Variants in PPTC7 observed in about 807,000 individuals in gnomAD.
The protein encoded by PPTC7 is protein phosphatase targeting COQ7.
In PPTC7, 6 loss-of-function variants were observed where a neutral mutation model predicts 30.8. The ratio of observed to expected loss-of-function variants is 0.19; its 90% CI spans 0.11 to 0.38. The LOEUF (loss-of-function observed/expected upper bound fraction) is 0.38, where lower values mean the gene tolerates loss of function less well. Ranked by LOEUF, PPTC7 falls within the 10% of genes least tolerant of loss-of-function variation. The pLI is 1.00. For synonymous variants in PPTC7, 163 were observed against 168.1 expected, an observed-to-expected ratio of 0.97 and a Z score of 0.23; for missense variants, 218 against 404.8, an observed-to-expected ratio of 0.54 and a Z score of 3.96.
Position 110,536,979 on chromosome 12 carries a change from C to CA in PPTC7, c.*57dup, listed in dbSNP as rs559727163. ...AATGTGGTCCTGCCAGCAGGATCAG[C>CA]ACACATGGCAGGGGAAATTTGGGAT... On this transcript the variant is annotated 3_prime_UTR_variant, in exon 6 of 6. Transcript: ENST00000354300. 782 of 1,316,772 alleles carry CA rather than the reference C, an allele frequency of 5.9e-4. 1 individual carries two copies. The highest frequency in any genetic ancestry group is 5.7e-4 in the Non-Finnish European group (518 of 910,004). The allele number at this position is 1,316,772 out of a possible 1,614,324, so 81.6% of individuals were successfully genotyped here. A position where few individuals can be genotyped will look rare whatever the true frequency, so the allele number is the denominator to read the frequency against.
At position 110,583,316 on chromosome 12, in the gene PPTC7, A is replaced by C; in HGVS notation, c.-285T>G. The C allele has an allele frequency of 6.1e-6, 1 of 164,732 alleles. No homozygotes were observed. Among genetic ancestry groups the C allele is most frequent in the Non-Finnish European group, 1.3e-5 (1 of 76,950 alleles). 10.2% of individuals were successfully genotyped at this position (164,732 alleles called of 1,614,324 possible). A position where few individuals can be genotyped will look rare whatever the true frequency, so the allele number is the denominator to read the frequency against. On this transcript the variant is annotated 5_prime_UTR_variant, in exon 1 of 6. Coordinates refer to ENST00000354300, the MANE Select transcript of PPTC7 (RefSeq NM_139283.2). The stretch of plus-strand genomic sequence containing the variant: ...CGCCGCCGCCATCTTCCGCTCCACT[A>C]GCGTGTTCCGGGCGGTGCCGGCAGC...
At chr12:110,552,867 AAAAC>A (rs369111979) in intron 1 of PPTC7, among the ~76,000 whole-genome samples, 2,051 of 152,210 alleles carry the variant, frequency 0.013, 42 homozygotes, top group African/African-American at 0.046. Context: ...CCGTCTCAAA[AAAAC>A]AAACAAACAA....
intron 1 of PPTC7, among the ~76,000 whole-genome samples, chr12:110,556,571 C>T (rs1402640686): frequency 6.6e-6 from 1 of 152,174 alleles, no homozygotes; most frequent in African/African-American, 2.4e-5. Flanking sequence ...AAATTTCATT[C>T]AGAATACATG....
At chr12:110,563,095 G>T (rs2064451791) in intron 1 of PPTC7, among the ~76,000 whole-genome samples, 1 of 143,144 alleles carries the variant, frequency 7.0e-6, no homozygotes, top group Non-Finnish European at 1.5e-5. Context: ...CTCCAGCCTG[G>T]GCGACAGGGT....
intron 1 of PPTC7, among the ~76,000 whole-genome samples, chr12:110,553,148 A>C (rs1282790461): frequency 6.9e-6 from 1 of 145,608 alleles, no homozygotes; most frequent in Non-Finnish European, 1.5e-5. Flanking sequence ...GCGCCATTGC[A>C]TCCCACCCTG....
At chr12:110,549,340 A>G (rs567290924) in intron 2 of PPTC7, among the ~76,000 whole-genome samples, 2 of 152,244 alleles carry the variant, frequency 1.3e-5, no homozygotes, top group South Asian at 4.2e-4. Context: ...TTTATATTGG[A>G]ATTGCTTTGT....
intron 1 of PPTC7, among the ~76,000 whole-genome samples, chr12:110,554,709 C>T (rs1237108896): frequency 2.6e-5 from 4 of 152,128 alleles, no homozygotes; most frequent in Non-Finnish European, 4.4e-5. Context: ...TTGCAAAACA[C>T]CAAGCTATTC....
At chr12:110,566,070 T>C (rs1565925040) in intron 1 of PPTC7, among the ~76,000 whole-genome samples, 2 of 152,174 alleles carry the variant, frequency 1.3e-5, no homozygotes, top group African/African-American at 2.4e-5. Flanking sequence ...GCAGGGAAAC[T>C]TGACCTCCAG....
intron 1 of PPTC7, among the ~76,000 whole-genome samples, chr12:110,573,930 G>T (rs916062597): frequency 2.6e-5 from 4 of 151,722 alleles, no homozygotes; most frequent in African/African-American, 9.7e-5. Flanking sequence ...ACGGTGAGCC[G>T]AGATTGTGCC....
At chr12:110,567,159 C>T (rs2064491280) in intron 1 of PPTC7, among the ~76,000 whole-genome samples, 1 of 152,200 alleles carries the variant, frequency 6.6e-6, no homozygotes. Flanking sequence ...AGGGCTGAGT[C>T]TCACACAGCT....
intron 5 of PPTC7, among the ~76,000 whole-genome samples, chr12:110,537,672 T>C (rs1162098496): frequency 2.0e-5 from 3 of 152,322 alleles, no homozygotes; most frequent in East Asian, 1.9e-4. Flanking sequence ...ATGCTGTAGA[T>C]AGGACAAGTC....
rs1459947827 is a variant in PPTC7 at position 110,536,444 on chromosome 12, C to CA, written c.*592dup. On this transcript the variant is annotated 3_prime_UTR_variant, in exon 6 of 6. Transcript: ENST00000354300. ...AATGGATTTTTCTCCCGATTTGTAA[C>CA]AAAAAAGCTTTTGGGATCAAAACTG... The CA allele has an allele frequency of 6.6e-6, 1 of 152,020 alleles. No homozygotes were observed. Among genetic ancestry groups the CA allele is most frequent in the African/African-American group, 2.4e-5 (1 of 41,392 alleles). The allele number at this position is 152,020 out of a possible 1,614,324, so 9.4% of individuals were successfully genotyped here.
rs772840031 is a variant in PPTC7, at chr12:110,546,011, G to A, written c.471C>T (p.Gly157=). ...CCCTGACAACCAGGAAGCCTGAATC[G>A]CCCAGGTTTGCTGTGTGTAAGCGGT... ...TSHRLHTANL[G]DSGFLVVRGG... is the part of the protein sequence containing the mutation. The change falls in exon 3 of 6, where the codon GGC becomes GGT. Residue 157 remains glycine (G), a synonymous_variant. Transcript: ENST00000354300. The A allele has an allele frequency of 4.3e-6, 7 of 1,614,044 alleles. No homozygotes were observed. Among genetic ancestry groups the A allele is most frequent in the African/African-American group, 4.0e-5 (3 of 74,916 alleles).
intron 1 of PPTC7, among the ~76,000 whole-genome samples, chr12:110,559,035 T>C (rs1323902415): frequency 2.0e-5 from 3 of 151,082 alleles, no homozygotes; most frequent in African/African-American, 7.3e-5. Flanking sequence ...TTTCCCTTTT[T>C]CTTTTTTTAA....
chr12:110,572,126 C>T (rs1055113823), intron 1 of PPTC7, among the ~76,000 whole-genome samples: 3 of 152,136 alleles, frequency 2.0e-5, no homozygotes, highest in Non-Finnish European at 2.9e-5. Context: ...AAAAAACTTG[C>T]TAGATAACAG....
intron 1 of PPTC7, among the ~76,000 whole-genome samples, chr12:110,564,941 C>G (rs1210561323): frequency 6.7e-6 from 1 of 149,082 alleles, no homozygotes; most frequent in African/African-American, 2.5e-5. Context: ...ATGGCACAAT[C>G]TTGGCTCACT....
rs1330883778 is a variant in PPTC7 at position 110,583,093 on chromosome 12, G to C, written c.-62C>G. 7.0e-6 allele frequency: 9 copies of C among 1,289,042 alleles called. No homozygotes were observed. Among genetic ancestry groups the C allele is most frequent in the Non-Finnish European group, 8.9e-6 (9 of 1,011,198 alleles). 79.9% of individuals were successfully genotyped at this position (1,289,042 alleles called of 1,614,324 possible). A position where few individuals can be genotyped will look rare whatever the true frequency, so the allele number is the denominator to read the frequency against. On this transcript the variant is annotated 5_prime_UTR_variant, in exon 1 of 6. Coordinates refer to ENST00000354300, the MANE Select transcript of PPTC7 (RefSeq NM_139283.2). Reference sequence around the variant, plus strand: ...GGGAGCAGGAGGACGCGGAGGCCCGGAGCCGGCTCTCTCCTCAGCCGCAGT... The same window carrying C: ...GGGAGCAGGAGGACGCGGAGGCCCGCAGCCGGCTCTCTCCTCAGCCGCAGT...
chr12:110,564,336 T>C (rs1470945497), intron 1 of PPTC7, among the ~76,000 whole-genome samples: 1 of 152,216 alleles, frequency 6.6e-6, no homozygotes, highest in Admixed American at 6.5e-5. Context: ...TTTCAGGTGT[T>C]AGAAAATGTC....
At chr12:110,577,297 A>T (rs1236153251) in intron 1 of PPTC7, among the ~76,000 whole-genome samples, 1 of 151,782 alleles carries the variant, frequency 6.6e-6, no homozygotes, top group East Asian at 1.9e-4. Flanking sequence ...AAAAAGTAAA[A>T]TTAAAAAAAA....
Sources: allele counts gnomAD v4.1 joint callset (sites outside exome capture counted in the v4.1 genomes callset), GRCh38; gene constraint gnomAD v4.1.1; transcripts MANE v1.5; gene names NCBI Gene and HGNC (gene_info 2026-07-23, HGNC 2026-07-21).